Variants in RBFOX1 observed in about 807,000 individuals in gnomAD.
RBFOX1 encodes RNA binding fox-1 homolog 1.
RBFOX1 carries 8 observed loss-of-function variants against 57.7 expected under a neutral mutation model. The ratio of observed to expected loss-of-function variants is 0.14; its 90% CI spans 0.08 to 0.25. The LOEUF (loss-of-function observed/expected upper bound fraction) is 0.25, where lower values mean the gene tolerates loss of function less well. RBFOX1 is among the 10% of genes least tolerant of loss of function. The pLI is 1.00. For synonymous variants in RBFOX1, 326 were observed against 222.4 expected, an observed-to-expected ratio of 1.47 and a Z score of -4.15; for missense variants, 611 against 548.5, an observed-to-expected ratio of 1.11 and a Z score of -1.14.
At position 6,763,890 on chromosome 16, in the gene RBFOX1, G is replaced by C. The variant is rs901430411; in HGVS notation, c.-16+109240G>C. On this transcript the variant is annotated intron_variant, in intron 3 of 15. Transcript: ENST00000550418. ...TTTGCATATTGAAGTGCTTGCTTATGTTCAGGAACCTGTGCTTAGCGTTTG... is the reference window on the plus strand; with the variant it reads ...TTTGCATATTGAAGTGCTTGCTTATCTTCAGGAACCTGTGCTTAGCGTTTG... Among the ~76,000 whole-genome samples, 3 of 152,302 alleles carry C rather than the reference G, an allele frequency of 2.0e-5. No individual in the cohort carries two copies. In the East Asian group the frequency reaches 5.8e-4, roughly 29 times the overall value.
At chr16:7,266,241 C>T (rs905569825) in intron 4 of RBFOX1, among the ~76,000 whole-genome samples, 3 of 151,974 alleles carry the variant, frequency 2.0e-5, no homozygotes, top group Admixed American at 6.6e-5. Context: ...TCCCAAAGTG[C>T]TGGGATTACA....
chr16:6,432,564 C>T (rs1159939119), intron 2 of RBFOX1, among the ~76,000 whole-genome samples: 1 of 151,558 alleles, frequency 6.6e-6, no homozygotes, highest in East Asian at 1.9e-4. Context: ...TACCTGTAAT[C>T]CCAGCTTCTG....
chr16:5,369,625 G>T (rs1037843442), intron 1 of RBFOX1, among the ~76,000 whole-genome samples: 1 of 152,166 alleles, frequency 6.6e-6, no homozygotes, highest in Non-Finnish European at 1.5e-5. Flanking sequence ...TGCCTCCTCT[G>T]CTATGCTGGG....
chr16:5,720,883 T>C (rs2051905740), intron 3 of RBFOX1, among the ~76,000 whole-genome samples: 1 of 152,220 alleles, frequency 6.6e-6, no homozygotes, highest in Non-Finnish European at 1.5e-5. Context: ...AACTTTGTTC[T>C]TAGTTTTCAA....
At chr16:7,171,480 A>C (rs1431531092) in intron 4 of RBFOX1, among the ~76,000 whole-genome samples, 1 of 152,248 alleles carries the variant, frequency 6.6e-6, no homozygotes, top group Non-Finnish European at 1.5e-5. Flanking sequence ...GCAGGATTAT[A>C]GAAAGAGATT....
chr16:6,971,665 A>G (rs577044553), intron 3 of RBFOX1, among the ~76,000 whole-genome samples: 25 of 152,242 alleles, frequency 1.6e-4, no homozygotes, highest in African/African-American at 6.0e-4. Flanking sequence ...AGCCATTGCA[A>G]TAGTCCTGGA....
intron 3 of RBFOX1, among the ~76,000 whole-genome samples, chr16:6,851,009 T>C (rs1353676024): frequency 6.6e-5 from 10 of 152,196 alleles, no homozygotes; most frequent in Non-Finnish European, 1.3e-4. Flanking sequence ...TACACTGTGA[T>C]AATCCACACT....
intron 4 of RBFOX1, among the ~76,000 whole-genome samples, chr16:7,186,264 A>C (rs1217148390): frequency 1.4e-5 from 1 of 69,072 alleles, no homozygotes; most frequent in Admixed American, 1.3e-4. Context: ...ATATTTATAT[A>C]AACATAAACA....
At chr16:7,187,621 A>G (rs8182189) in intron 4 of RBFOX1, among the ~76,000 whole-genome samples, 134,249 of 147,496 alleles carry the variant, frequency 0.91, 61,350 homozygotes, top group East Asian at 1. Flanking sequence ...CCCGGGAGGC[A>G]GAGCTTGCAG....
chr16:6,570,093 G>A (rs564194221), intron 2 of RBFOX1, among the ~76,000 whole-genome samples: 25 of 152,250 alleles, frequency 1.6e-4, no homozygotes, highest in Non-Finnish European at 2.9e-4. Flanking sequence ...TGACAGTGCC[G>A]TTTAAATAAT....
intron 3 of RBFOX1, chr16:7,003,952 A>G (rs1293287974): frequency 9.6e-6 from 1 of 104,358 alleles, no homozygotes; most frequent in Non-Finnish European, 1.9e-5. Flanking sequence ...CTTTCTTTTA[A>G]AAAAACATCC....
chr16:7,052,162 C>T, intron 4 of RBFOX1, 64 bp downstream of exon 4: 3 of 1,564,502 alleles, frequency 1.9e-6, no homozygotes, highest in South Asian at 1.2e-5. Flanking sequence ...CAAAAATTTC[C>T]TTGTCTCTCC....
chr16:7,234,588 ATGTG>A (rs138784510), intron 4 of RBFOX1, among the ~76,000 whole-genome samples: 59 of 141,872 alleles, frequency 4.2e-4, no homozygotes, highest in South Asian at 1.1e-3. Flanking sequence ...GTGTATACAT[ATGTG>A]TGTGTGTGTG....
intron 4 of RBFOX1, among the ~76,000 whole-genome samples, chr16:7,373,085 C>G (rs925969743): frequency 6.6e-6 from 1 of 151,876 alleles, no homozygotes; most frequent in Non-Finnish European, 1.5e-5. Flanking sequence ...GTGCCTGCCA[C>G]CATGCGTGGC....
chr16:6,179,277 T>G (rs1338589147), intron 1 of RBFOX1, among the ~76,000 whole-genome samples: 1 of 152,182 alleles, frequency 6.6e-6, no homozygotes, highest in East Asian at 1.9e-4. Context: ...GGCAATTTCT[T>G]AAGAACAAGT....
chr16:6,910,045 C>T (rs1422459597), intron 3 of RBFOX1, among the ~76,000 whole-genome samples: 2 of 152,192 alleles, frequency 1.3e-5, no homozygotes, highest in African/African-American at 4.8e-5. Context: ...CTTACCTCTA[C>T]AGGCTACAAG....
intron 4 of RBFOX1, among the ~76,000 whole-genome samples, chr16:5,949,717 T>C (rs886220881): frequency 1.3e-5 from 2 of 152,166 alleles, no homozygotes. Flanking sequence ...TCTCAAAATA[T>C]GCTACCTCAA....
chr16:5,854,736 T>C (rs2056982132), intron 3 of RBFOX1, among the ~76,000 whole-genome samples: 1 of 152,152 alleles, frequency 6.6e-6, no homozygotes, highest in Non-Finnish European at 1.5e-5. Flanking sequence ...TTTATTTCCT[T>C]TGGATAGGTA....
chr16:5,293,097 G>A lies in RBFOX1; in HGVS notation c.219+52992G>A, dbSNP rs148187992. 6.9e-3 allele frequency among the ~76,000 whole-genome samples: 1,052 copies of A among 152,010 alleles called. 7 individuals carry two copies. Among genetic ancestry groups the A allele is most frequent in the Non-Finnish European group, 0.012 (785 of 67,978 alleles). On this transcript the variant is annotated intron_variant, in intron 1 of 2. Transcript: ENST00000585867. Reference sequence around the variant, plus strand: ...GTACTTTGGGAGGCTGAGGTGGGTGGATCATTTGAGGCCAGGAGTTCAAGA... The same window carrying A: ...GTACTTTGGGAGGCTGAGGTGGGTGAATCATTTGAGGCCAGGAGTTCAAGA...
Sources: allele counts gnomAD v4.1 joint callset (sites outside exome capture counted in the v4.1 genomes callset), GRCh38; gene constraint gnomAD v4.1.1; transcripts MANE v1.5; gene names NCBI Gene and HGNC (gene_info 2026-07-23, HGNC 2026-07-21).